The following RFX3 variants were observed in gnomAD, a reference collection of about 807,000 sequenced individuals.
The protein encoded by RFX3 is transcription factor RFX3.
RFX3 carries 14 observed loss-of-function variants against 98.6 expected under a neutral mutation model. That is an observed-to-expected ratio of 0.14 (90% CI 0.09 to 0.22). The LOEUF (loss-of-function observed/expected upper bound fraction) is 0.22. RFX3 is among the 10% of genes least tolerant of loss of function. RFX3 has a pLI of 1.00. For synonymous variants in RFX3, 383 were observed against 328.4 expected (o/e 1.17, Z -1.80); for missense variants, 639 against 926.9 (o/e 0.69, Z 4.03).
chr9:3,504,513 T>C (rs1331360496), intron 1 of RFX3, among the ~76,000 whole-genome samples: 1 of 126,062 alleles, frequency 7.9e-6, no homozygotes, highest in Non-Finnish European at 1.6e-5. Context: ...TGGTATATAT[T>C]GCATATAAAA....
intron 4 of RFX3, chr9:3,324,041 A>G (rs1339978567): frequency 8.8e-6 from 4 of 455,706 alleles, no homozygotes; most frequent in Non-Finnish European, 1.8e-5. Flanking sequence ...AGTGTAGGAA[A>G]CAGACGGTTC....
chr9:3,303,513 T>A (rs1828909778), intron 4 of RFX3, among the ~76,000 whole-genome samples: 1 of 151,866 alleles, frequency 6.6e-6, no homozygotes, highest in African/African-American at 2.4e-5. Flanking sequence ...ATCTGTAACT[T>A]TTGATATTAT....
At chr9:3,455,914 A>C (rs1366978342) in intron 1 of RFX3, among the ~76,000 whole-genome samples, 4 of 152,192 alleles carry the variant, frequency 2.6e-5, no homozygotes, top group South Asian at 4.1e-4. Context: ...GTTTGTGCTG[A>C]CAGAGCAATA....
chr9:3,399,862 T>A (rs1841303117), intron 1 of RFX3, among the ~76,000 whole-genome samples: 1 of 150,196 alleles, frequency 6.7e-6, no homozygotes, highest in Admixed American at 6.7e-5. Context: ...AGCAGGAGAG[T>A]CACTTGAACC....
At chr9:3,247,713 A>G in intron 15 of RFX3, 1 of 1,515,530 alleles carries the variant, frequency 6.6e-7, no homozygotes, top group African/African-American at 1.4e-5. Context: ...TATCAGGAGC[A>G]CCAATCTTTT....
chr9:3,478,969 A>G (rs1849507505), intron 1 of RFX3, among the ~76,000 whole-genome samples: 1 of 152,158 alleles, frequency 6.6e-6, no homozygotes, highest in Non-Finnish European at 1.5e-5. Context: ...CTCTCTGAAA[A>G]GAGTTTTCCC....
chr9:3,421,796 T>G (rs190274620), intron 1 of RFX3, among the ~76,000 whole-genome samples: 2 of 152,156 alleles, frequency 1.3e-5, no homozygotes, highest in East Asian at 3.9e-4. Context: ...TCTAATATAT[T>G]TTCTTTCTCT....
At chr9:3,329,787 G>C (rs1235098283) in intron 4 of RFX3, among the ~76,000 whole-genome samples, 1 of 152,148 alleles carries the variant, frequency 6.6e-6, no homozygotes, top group Non-Finnish European at 1.5e-5. Flanking sequence ...ACATGTCTAA[G>C]GTTTGGGATG....
chr9:3,411,356 T>C (rs1303273052), intron 1 of RFX3, among the ~76,000 whole-genome samples: 1 of 152,092 alleles, frequency 6.6e-6, no homozygotes, highest in Non-Finnish European at 1.5e-5. Flanking sequence ...TTCTCTCCTC[T>C]TTTTTATTTA....
intron 9 of RFX3, among the ~76,000 whole-genome samples, chr9:3,275,026 T>C (rs143660296): frequency 3.2e-4 from 48 of 152,224 alleles, no homozygotes; most frequent in African/African-American, 1.0e-3. Context: ...GTGATCCATT[T>C]TGGTATGTGT....
intron 3 of RFX3, among the ~76,000 whole-genome samples, chr9:3,332,633 T>C (rs1832726695): frequency 6.6e-6 from 1 of 152,188 alleles, no homozygotes; most frequent in African/African-American, 2.4e-5. Context: ...CTTTCCATGA[T>C]TCTCTCTTGC....
At chr9:3,465,401 C>G (rs1169919915) in intron 1 of RFX3, among the ~76,000 whole-genome samples, 1 of 151,914 alleles carries the variant, frequency 6.6e-6, no homozygotes, top group African/African-American at 2.4e-5. Context: ...AGTGATTCTC[C>G]TACCTCAGCC....
intron 15 of RFX3, chr9:3,247,536 A>T: frequency 1.0e-6 from 1 of 989,104 alleles, no homozygotes; most frequent in South Asian, 2.6e-5. Flanking sequence ...CATGTAAAAA[A>T]CATAGAACTG....
chr9:3,340,011 G>C (rs1402318121), intron 3 of RFX3, among the ~76,000 whole-genome samples: 2 of 152,028 alleles, frequency 1.3e-5, no homozygotes, highest in Non-Finnish European at 2.9e-5. Context: ...TATACTACAA[G>C]GCTACAGTAA....
At chr9:3,302,586 A>C (rs1191874303) in intron 4 of RFX3, among the ~76,000 whole-genome samples, 2 of 151,936 alleles carry the variant, frequency 1.3e-5, no homozygotes, top group East Asian at 3.9e-4. Flanking sequence ...CATTATTCTT[A>C]ACAGTCTGAT....
chr9:3,235,206 T>C (rs1000766684), intron 15 of RFX3, among the ~76,000 whole-genome samples: 1 of 152,194 alleles, frequency 6.6e-6, no homozygotes, highest in Non-Finnish European at 1.5e-5. Flanking sequence ...TTGCTCCAAT[T>C]TGGGTGGCAG....
chr9:3,429,420 A>AAT (rs1286548547), intron 1 of RFX3, among the ~76,000 whole-genome samples: 4 of 149,512 alleles, frequency 2.7e-5, no homozygotes, highest in Non-Finnish European at 5.9e-5. Flanking sequence ...ATAATATACA[A>AAT]ATATATATAA....
chr9:3,395,378 A>T, intron 2 of RFX3, 94 bp downstream of exon 2: 1 of 1,408,296 alleles, frequency 7.1e-7, no homozygotes, highest in Non-Finnish European at 9.9e-7. Context: ...TCATAGCAAG[A>T]CAGTAAAGTT....
chr9:3,375,533 T>C (rs147451849), intron 2 of RFX3, among the ~76,000 whole-genome samples: 3 of 152,364 alleles, frequency 2.0e-5, no homozygotes, highest in East Asian at 1.9e-4. Flanking sequence ...ATTTATTTCT[T>C]ACCAAAAACA....
Sources: gnomAD v4.1 joint callset for allele counts (sites outside exome capture counted in the v4.1 genomes callset) on GRCh38, gnomAD v4.1.1 for gene constraint, MANE v1.5 for transcripts, NCBI Gene and HGNC (gene_info 2026-07-23, HGNC 2026-07-21) for gene names.